Variants in KIAA1671 observed in about 807,000 individuals in gnomAD.
The protein encoded by KIAA1671 is KIAA1671.
In KIAA1671, 52 loss-of-function variants were observed where a neutral mutation model predicts 131.2. That is an observed-to-expected ratio of 0.40 (90% CI 0.32 to 0.50). The LOEUF is 0.50. Ranked by LOEUF, KIAA1671 falls within the 20% of genes least tolerant of loss-of-function variation. The pLI, the probability that KIAA1671 is intolerant of heterozygous loss-of-function variation, is 0.73. For synonymous variants in KIAA1671, 1,003 were observed against 961.6 expected, an observed-to-expected ratio of 1.04 and a Z score of -0.80; for missense variants, 2,360 against 2,364.2, an observed-to-expected ratio of 1.00 and a Z score of 0.04.
At chr22:25,170,465 G>A (rs934533055) in intron 6 of KIAA1671, among the ~76,000 whole-genome samples, 4 of 152,232 alleles carry the variant, frequency 2.6e-5, no homozygotes, top group African/African-American at 9.6e-5. Flanking sequence ...ATGAGTCTGA[G>A]TAACACTGAA....
intron 4 of KIAA1671, among the ~76,000 whole-genome samples, chr22:25,033,783 T>C (rs1469412280): frequency 1.3e-5 from 2 of 151,886 alleles, no homozygotes; most frequent in Non-Finnish European, 2.9e-5. Context: ...GGTTTCACCA[T>C]GTTAGCCAGG....
chr22:25,122,932 G>A lies in KIAA1671; in HGVS notation c.4531-47888G>A, dbSNP rs183468373. On this transcript the variant is annotated intron_variant, in intron 6 of 12. Transcript: ENST00000358431. Reference sequence around the variant, plus strand: ...AGAGCTTGCAGTGAGCTGAGATCGCGCCACTGCACACCAGCCGGGGCGACA... The same window carrying A: ...AGAGCTTGCAGTGAGCTGAGATCGCACCACTGCACACCAGCCGGGGCGACA... Among the ~76,000 whole-genome samples the A allele has an allele frequency of 4.8e-3, 730 of 152,030 alleles. 7 individuals carry two copies. The highest frequency in any genetic ancestry group is 0.017 in the African/African-American group (704 of 41,508).
intron 6 of KIAA1671, among the ~76,000 whole-genome samples, chr22:25,076,353 G>A (rs1039675874): frequency 6.6e-6 from 1 of 152,092 alleles, no homozygotes. Flanking sequence ...TTCACATTTC[G>A]AGCTGTCTCC....
intron 11 of KIAA1671, among the ~76,000 whole-genome samples, chr22:25,189,904 G>A (rs555315535): frequency 2.0e-5 from 3 of 152,260 alleles, no homozygotes; most frequent in African/African-American, 7.2e-5. Flanking sequence ...GAGCCACTGT[G>A]TCCAACCAAG....
chr22:25,033,632 G>T (rs1926423936), intron 4 of KIAA1671, among the ~76,000 whole-genome samples: 1 of 135,800 alleles, frequency 7.4e-6, no homozygotes, highest in Admixed American at 8.0e-5. Flanking sequence ...AGGCTGGAGT[G>T]CAGTGATGTG....
chr22:25,191,145 CT>C lies in KIAA1671; in HGVS notation c.*4+381del, dbSNP rs142339652. Reference sequence around the variant, plus strand: ...AGGTTAGCTTAATTAGAAATGGTTACTTTTTTTTTTTTTTTTTTTTGAGACA... The same window carrying C: ...AGGTTAGCTTAATTAGAAATGGTTACTTTTTTTTTTTTTTTTTTTGAGACA... On this transcript the variant is annotated intron_variant, in intron 12 of 12. Transcript: ENST00000358431. Among the ~76,000 whole-genome samples, 1,126 of 129,008 alleles carry C rather than the reference CT, an allele frequency of 8.7e-3. 6 individuals carry two copies. The highest frequency in any genetic ancestry group is 0.026 in the Middle Eastern group (6 of 228). The allele number at this position is 129,008 out of a possible 152,430, so 84.6% of individuals were successfully genotyped here.
At chr22:24,994,623 G>A (rs778702718) in intron 1 of KIAA1671, among the ~76,000 whole-genome samples, 3 of 152,164 alleles carry the variant, frequency 2.0e-5, no homozygotes, top group Non-Finnish European at 4.4e-5. Flanking sequence ...GGCTCCAGCA[G>A]GCAGAGGGCG....
At chr22:25,074,712 T>C (rs1929014332) in intron 6 of KIAA1671, among the ~76,000 whole-genome samples, 1 of 152,138 alleles carries the variant, frequency 6.6e-6, no homozygotes, top group Non-Finnish European at 1.5e-5. Flanking sequence ...ATATTTATCA[T>C]CTATCTGTCT....
intron 6 of KIAA1671, among the ~76,000 whole-genome samples, chr22:25,092,914 G>A (rs1930090808): frequency 6.6e-6 from 1 of 152,170 alleles, no homozygotes; most frequent in Non-Finnish European, 1.5e-5. Context: ...TCGGCCCCCT[G>A]CACTGGAGGG....
chr22:25,033,435 GC>G (rs1305159408), intron 4 of KIAA1671, among the ~76,000 whole-genome samples: 3 of 151,886 alleles, frequency 2.0e-5, no homozygotes, highest in Non-Finnish European at 4.4e-5. Context: ...TAGGTTACCA[GC>G]AATTAAATTG....
chr22:25,185,662 G>A lies in KIAA1671; in HGVS notation c.5342+543G>A, dbSNP rs142560875. On this transcript the variant is annotated intron_variant, in intron 11 of 12. Coordinates refer to ENST00000358431, the MANE Select transcript of KIAA1671 (RefSeq NM_001145206.2). Reference sequence around the variant, plus strand: ...CTCAGGCTCTCAGAGGGGTGTTTCAGCAGCTGGAGGTGGAGGTTAAGAACA... The same window carrying A: ...CTCAGGCTCTCAGAGGGGTGTTTCAACAGCTGGAGGTGGAGGTTAAGAACA... 9.9e-3 allele frequency: 1,510 copies of A among 152,674 alleles called. 9 individuals carry two copies. The highest frequency in any genetic ancestry group is 0.015 in the Non-Finnish European group (1,037 of 68,362). 9.5% of individuals were successfully genotyped at this position (152,674 alleles called of 1,614,324 possible).
At chr22:25,007,470 G>GT (rs144481687) in intron 1 of KIAA1671, among the ~76,000 whole-genome samples, 26,344 of 150,966 alleles carry the variant, frequency 0.17, 2,933 homozygotes, top group Middle Eastern at 0.28. Flanking sequence ...TGGTGACAGA[G>GT]TGAGACTCGG....
In KIAA1671 at chr22:25,028,477, G is replaced by A; in HGVS notation, c.478G>A (p.Val160Ile). 6.5e-7 allele frequency: 1 copy of A among 1,550,026 alleles called. No individual in the cohort carries two copies. The highest frequency in any genetic ancestry group is 8.7e-7 in the Non-Finnish European group (1 of 1,146,372). Reference sequence around the variant, plus strand: ...AAGCGGCCCCGCTCTGGGGAAGGCGGTTAGTGAGGGGGCGGAGGAGGCCAA... The same window carrying A: ...AAGCGGCCCCGCTCTGGGGAAGGCGATTAGTGAGGGGGCGGAGGAGGCCAA... ...TKSGPALGKA[V>I]SEGAEEAKLG... The change falls in exon 3 of 13, where the codon GTT becomes ATT. Residue 160 changes from valine (V) to isoleucine (I), a missense_variant. Physicochemically the swap from Val to Ile is conservative, Grantham distance 29. Transcript: ENST00000358431.
chr22:24,965,128 C>T (rs575262660), intron 1 of KIAA1671, among the ~76,000 whole-genome samples: 6 of 151,216 alleles, frequency 4.0e-5, no homozygotes, highest in Non-Finnish European at 8.8e-5. Flanking sequence ...AGGGAGACCT[C>T]GGCTGGGGAC....
At chr22:25,034,071 G>A (rs371361103) in intron 4 of KIAA1671, among the ~76,000 whole-genome samples, 28 of 150,028 alleles carry the variant, frequency 1.9e-4, no homozygotes, top group African/African-American at 6.4e-4. Context: ...TTTGGAAACG[G>A]AGTTTTGCTT....
intron 6 of KIAA1671, among the ~76,000 whole-genome samples, chr22:25,164,609 A>G (rs1427310609): frequency 1.3e-5 from 2 of 152,214 alleles, no homozygotes; most frequent in Non-Finnish European, 2.9e-5. Context: ...AAAGAGTTGG[A>G]AGAATATCCT....
chr22:25,121,227 C>T (rs1931927680), intron 6 of KIAA1671, among the ~76,000 whole-genome samples: 1 of 152,082 alleles, frequency 6.6e-6, no homozygotes, highest in South Asian at 2.1e-4. Flanking sequence ...CTTTGGGAGG[C>T]CGAGGCGGGC....
intron 1 of KIAA1671, among the ~76,000 whole-genome samples, chr22:24,972,119 G>GA (rs1291492013): frequency 6.6e-6 from 1 of 152,046 alleles, no homozygotes; most frequent in Non-Finnish European, 1.5e-5. Flanking sequence ...GAACATGAAG[G>GA]AAAAATGGGT....
chr22:25,150,836 C>CTTTTTTTTTTTG, intron 6 of KIAA1671, among the ~76,000 whole-genome samples: 1 of 125,924 alleles, frequency 7.9e-6, no homozygotes, highest in South Asian at 2.9e-4. Context: ...GGGTCCTTTG[C>CTTTTTTTTTTTG]TTTTTTTTTT....
Sources: gnomAD v4.1 joint callset for allele counts (sites outside exome capture counted in the v4.1 genomes callset) on GRCh38, gnomAD v4.1.1 for gene constraint, MANE v1.5 for transcripts, NCBI Gene and HGNC (gene_info 2026-07-23, HGNC 2026-07-21) for gene names.